RBFOX1: variants seen among roughly 807,000 people sequenced by gnomAD.
RBFOX1 encodes RNA binding fox-1 homolog 1, also known as RNA binding protein fox-1 homolog 1.
Under a neutral mutation model 57.7 loss-of-function variants are expected in RBFOX1, and 8 were observed. The ratio of observed to expected loss-of-function variants is 0.14; its 90% CI spans 0.08 to 0.25. RBFOX1 has a LOEUF of 0.25. RBFOX1 is among the 10% of genes least tolerant of loss of function. The pLI is 1.00. For missense variants in RBFOX1, 611 were observed against 548.5 expected (o/e 1.11, Z -1.14); for synonymous variants, 326 against 222.4 (o/e 1.47, Z -4.15).
chr16:6,486,017 C>CTT (rs200626786), intron 2 of RBFOX1, among the ~76,000 whole-genome samples: 74 of 114,910 alleles, frequency 6.4e-4, no homozygotes, highest in East Asian at 4.2e-3. Context: ...AATTATTTTT[C>CTT]TTTTTTTTTT....
At chr16:6,725,012 C>T (rs1262113925) in intron 3 of RBFOX1, among the ~76,000 whole-genome samples, 1 of 144,268 alleles carries the variant, frequency 6.9e-6, no homozygotes, top group Non-Finnish European at 1.5e-5. Flanking sequence ...AGCCAGGAGT[C>T]ACTTTTGTTG....
At chr16:5,749,745 G>C (rs2053122842) in intron 3 of RBFOX1, among the ~76,000 whole-genome samples, 1 of 152,070 alleles carries the variant, frequency 6.6e-6, no homozygotes, top group Admixed American at 6.6e-5. Flanking sequence ...CTCTACACTG[G>C]TTATTCTAGT....
chr16:6,705,890 T>A (rs141218071), intron 3 of RBFOX1, among the ~76,000 whole-genome samples: 2,416 of 152,188 alleles, frequency 0.016, 27 homozygotes, highest in Admixed American at 0.033. Context: ...TGGTGGTGCA[T>A]GTCTCTAGTC....
chr16:5,779,240 C>T (rs1396638731), intron 3 of RBFOX1, among the ~76,000 whole-genome samples: 2 of 152,194 alleles, frequency 1.3e-5, no homozygotes, highest in African/African-American at 2.4e-5. Context: ...TCTGATCCCT[C>T]TGTCAGTCTC....
At chr16:7,173,540 C>G (rs1359085617) in intron 4 of RBFOX1, among the ~76,000 whole-genome samples, 1 of 151,866 alleles carries the variant, frequency 6.6e-6, no homozygotes, top group Non-Finnish European at 1.5e-5. Flanking sequence ...TTGCTTACTT[C>G]ATTGTATTTC....
At chr16:6,387,381 A>C (rs1028389150) in intron 2 of RBFOX1, among the ~76,000 whole-genome samples, 13 of 151,740 alleles carry the variant, frequency 8.6e-5, no homozygotes, top group Non-Finnish European at 8.8e-5. Context: ...GTCCCATGCA[A>C]CTTGACTTCT....
chr16:5,721,043 C>G (rs1044047087), intron 3 of RBFOX1, among the ~76,000 whole-genome samples: 2 of 152,194 alleles, frequency 1.3e-5, no homozygotes, highest in Admixed American at 1.3e-4. Flanking sequence ...TTAGTATTGT[C>G]TTCTAATCCA....
chr16:5,324,272 G>A (rs1325230732), intron 1 of RBFOX1, among the ~76,000 whole-genome samples: 5 of 152,184 alleles, frequency 3.3e-5, no homozygotes, highest in African/African-American at 1.2e-4. Context: ...AAACCAGCCC[G>A]GCCAACATGG....
chr16:6,796,904 C>G (rs1029528542), intron 3 of RBFOX1, among the ~76,000 whole-genome samples: 1 of 152,098 alleles, frequency 6.6e-6, no homozygotes, highest in Non-Finnish European at 1.5e-5. Flanking sequence ...ACCTATGTCT[C>G]CACCCCCTTT....
chr16:6,732,932 AT>A (rs1291587416), intron 3 of RBFOX1, among the ~76,000 whole-genome samples: 46 of 152,220 alleles, frequency 3.0e-4, no homozygotes. Flanking sequence ...GAAAATGCTA[AT>A]TTCTGAATAA....
intron 3 of RBFOX1, among the ~76,000 whole-genome samples, chr16:5,703,762 T>A (rs757055359): frequency 9.9e-5 from 15 of 152,204 alleles, no homozygotes; most frequent in Non-Finnish European, 1.8e-4. Context: ...TGTGTGTATA[T>A]GTGCATGTGT....
At chr16:6,374,523 A>G (rs974763085) in intron 2 of RBFOX1, among the ~76,000 whole-genome samples, 1 of 152,138 alleles carries the variant, frequency 6.6e-6, no homozygotes, top group Admixed American at 6.5e-5. Context: ...TATGTGTTCT[A>G]GTGTCTTTAG....
chr16:6,196,890 G>C (rs1048548597), intron 1 of RBFOX1, among the ~76,000 whole-genome samples: 1 of 151,056 alleles, frequency 6.6e-6, no homozygotes, highest in East Asian at 2.0e-4. Flanking sequence ...GGTCATCTCT[G>C]TCCGCTGCCT....
intron 4 of RBFOX1, among the ~76,000 whole-genome samples, chr16:7,113,571 T>G (rs571241729): frequency 6.6e-6 from 1 of 152,188 alleles, no homozygotes; most frequent in African/African-American, 2.4e-5. Context: ...CCCGCACCAT[T>G]GGAGCCACAT....
At chr16:5,602,027 A>G (rs548967355), downstream of RBFOX1, among the ~76,000 whole-genome samples, 1 of 152,300 alleles carries the variant, frequency 6.6e-6, no homozygotes, top group Non-Finnish European at 1.5e-5. Flanking sequence ...GCAGAGATTC[A>G]GGCTGTGAGG....
At chr16:6,319,555 C>A (rs894721469) in intron 2 of RBFOX1, among the ~76,000 whole-genome samples, 1 of 152,160 alleles carries the variant, frequency 6.6e-6, no homozygotes, top group Non-Finnish European at 1.5e-5. Flanking sequence ...AGACAAGAGA[C>A]CAGTATGGGT....
chr16:6,639,672 T>C (rs1055478135), intron 2 of RBFOX1, among the ~76,000 whole-genome samples: 2 of 152,066 alleles, frequency 1.3e-5, no homozygotes, highest in Admixed American at 6.6e-5. Flanking sequence ...GTCAGGAGAT[T>C]GAGACCATCC....
chr16:6,538,678 T>C (rs1289845018), intron 2 of RBFOX1, among the ~76,000 whole-genome samples: 1 of 152,168 alleles, frequency 6.6e-6, no homozygotes, highest in East Asian at 1.9e-4. Flanking sequence ...AGAAAACGGT[T>C]TGGGAGTTAA....
intron 3 of RBFOX1, among the ~76,000 whole-genome samples, chr16:5,697,636 C>G (rs1027533011): frequency 1.3e-5 from 2 of 150,290 alleles, no homozygotes; most frequent in South Asian, 4.2e-4. Flanking sequence ...CAGGTTCAAG[C>G]GATTCTTCTG....
Sources: gnomAD v4.1 joint callset for allele counts (sites outside exome capture counted in the v4.1 genomes callset) on GRCh38, gnomAD v4.1.1 for gene constraint, MANE v1.5 for transcripts, NCBI Gene and HGNC (gene_info 2026-07-23, HGNC 2026-07-21) for gene names.